ENDOD1: variants seen among roughly 807,000 people sequenced by gnomAD.
ENDOD1 encodes endonuclease domain containing 1.
ENDOD1 carries 9 observed loss-of-function variants against 6.5 expected under a neutral mutation model. The ratio of observed to expected loss-of-function variants is 1.39; its 90% CI spans 0.84 to 2.43. The LOEUF is 2.43. ENDOD1 is among the 30% of genes most tolerant of loss of function. The probability of loss-of-function intolerance (pLI) is 0.00; values close to 1 mark genes in which losing one functional copy is unlikely to be tolerated. For missense variants in ENDOD1, 648 were observed against 635.5 expected, an observed-to-expected ratio of 1.02 and a Z score of -0.21; for synonymous variants, 255 against 255.2, an observed-to-expected ratio of 1.00 and a Z score of 0.01.
At chr11:95,102,242 C>T (rs1163287131) in intron 1 of ENDOD1, among the ~76,000 whole-genome samples, 1 of 152,042 alleles carries the variant, frequency 6.6e-6, no homozygotes, top group Non-Finnish European at 1.5e-5. Flanking sequence ...AGAAGAGCTA[C>T]CTTCTTAAAG....
chr11:95,101,740 T>A (rs550669063), intron 1 of ENDOD1, among the ~76,000 whole-genome samples: 1 of 152,324 alleles, frequency 6.6e-6, no homozygotes, highest in Non-Finnish European at 1.5e-5. Context: ...CTTTGAACTC[T>A]ATGAGGCCAC....
chr11:95,115,108 G>A (rs540032852), intron 1 of ENDOD1, among the ~76,000 whole-genome samples: 1 of 152,164 alleles, frequency 6.6e-6, no homozygotes, highest in African/African-American at 2.4e-5. Flanking sequence ...GAACAATATC[G>A]ATTCTTCTAT....
intron 1 of ENDOD1, among the ~76,000 whole-genome samples, chr11:95,092,091 A>G (rs1435627280): frequency 1.3e-5 from 2 of 152,176 alleles, no homozygotes; most frequent in African/African-American, 2.4e-5. Context: ...CCTTAGGGTC[A>G]GGATGACATT....
chr11:95,114,752 T>C (rs1427915110), intron 1 of ENDOD1, among the ~76,000 whole-genome samples: 1 of 152,196 alleles, frequency 6.6e-6, no homozygotes, highest in Non-Finnish European at 1.5e-5. Flanking sequence ...GAAAAGACTG[T>C]CTTTTCCCCA....
chr11:95,095,669 A>C (rs12295932), intron 1 of ENDOD1, among the ~76,000 whole-genome samples: 12,758 of 152,248 alleles, frequency 0.084, 856 homozygotes, highest in African/African-American at 0.18. Context: ...TTACCATGTC[A>C]AAGGTCTTCA....
chr11:95,100,684 A>G (rs542914434), intron 1 of ENDOD1, among the ~76,000 whole-genome samples: 2 of 150,414 alleles, frequency 1.3e-5, no homozygotes, highest in Admixed American at 6.6e-5. Context: ...TTTTGTAGAG[A>G]TGGGGTTTTG....
chr11:95,089,969 C>T lies in ENDOD1; in HGVS notation c.42C>T (p.Ala14=), dbSNP rs375029936. Residue 14 remains alanine, a synonymous_variant, in exon 1 of 2, where the codon GCC becomes GCT. Transcript: ENST00000278505. ...GGCTCGCGCTGGGCAGCCTCTTCGC[C>T]CTGGCTGGGCTGCTGGAAGGCCGGC... ...ARWLALGSLF[A]LAGLLEGRLV... 2.0e-6 allele frequency: 3 copies of T among 1,531,738 alleles called. No individual in the cohort carries two copies. Among genetic ancestry groups the T allele is most frequent in the Non-Finnish European group, 2.6e-6 (3 of 1,138,548 alleles). 94.9% of individuals were successfully genotyped at this position (1,531,738 alleles called of 1,614,324 possible).
intron 1 of ENDOD1, among the ~76,000 whole-genome samples, chr11:95,102,885 G>T (rs1020289463): frequency 6.6e-6 from 1 of 152,090 alleles, no homozygotes; most frequent in Non-Finnish European, 1.5e-5. Context: ...TTATAATCTT[G>T]TATAGAGACA....
rs11021047 is a variant in ENDOD1, at chr11:95,120,575, T to A, written c.301-7802T>A. 2.9e-3 allele frequency among the ~76,000 whole-genome samples: 445 copies of A among 152,144 alleles called. 12 individuals are homozygous for A. The East Asian group carries it at 0.056, about 19-fold the overall frequency. ...GTTCTTTCCACTCTTCTCTCTCTTCTTCTCAAGCAGAAGGAAGAGGTTTCT... is the reference window on the plus strand; with the variant it reads ...GTTCTTTCCACTCTTCTCTCTCTTCATCTCAAGCAGAAGGAAGAGGTTTCT... On this transcript the variant is annotated intron_variant, in intron 1 of 1. Transcript: ENST00000278505.
chr11:95,090,723 T>G (rs1591006603), intron 1 of ENDOD1, among the ~76,000 whole-genome samples: 1 of 152,158 alleles, frequency 6.6e-6, no homozygotes, highest in Non-Finnish European at 1.5e-5. Context: ...AAGAGACATA[T>G]GGAAGACTAC....
intron 1 of ENDOD1, among the ~76,000 whole-genome samples, chr11:95,116,514 T>C (rs1859210753): frequency 1.3e-5 from 2 of 152,202 alleles, no homozygotes; most frequent in Non-Finnish European, 2.9e-5. Flanking sequence ...ATCTTTATTT[T>C]TTCTTCTACT....
intron 1 of ENDOD1, among the ~76,000 whole-genome samples, chr11:95,109,249 G>A (rs1312749588): frequency 6.6e-6 from 1 of 152,120 alleles, no homozygotes; most frequent in African/African-American, 2.4e-5. Flanking sequence ...ATTCTCCAGG[G>A]GAAGGAAACT....
chr11:95,090,491 A>G (rs1452354468), intron 1 of ENDOD1, among the ~76,000 whole-genome samples: 1 of 152,124 alleles, frequency 6.6e-6, no homozygotes, highest in Non-Finnish European at 1.5e-5. Context: ...CCCCTGTGGG[A>G]GGAGGTTCTC....
intron 1 of ENDOD1, among the ~76,000 whole-genome samples, chr11:95,115,372 G>A (rs372701065): frequency 2.1e-4 from 31 of 144,324 alleles, no homozygotes; most frequent in East Asian, 3.9e-4. Context: ...TTGTTTATCC[G>A]TTCTACTAGG....
intron 1 of ENDOD1, among the ~76,000 whole-genome samples, chr11:95,090,714 A>G (rs1453960823): frequency 1.3e-5 from 2 of 152,176 alleles, no homozygotes; most frequent in East Asian, 1.9e-4. Flanking sequence ...CAGGGGGTGA[A>G]GAGACATATG....
rs1859357127 is a variant in ENDOD1 at position 95,130,171 on chromosome 11, A to G, written c.*592A>G. On this transcript the variant is annotated 3_prime_UTR_variant, in exon 2 of 2. Coordinates refer to ENST00000278505, the MANE Select transcript of ENDOD1 (RefSeq NM_015036.3). Reference sequence around the variant, plus strand: ...CTTTCCGTGGTTCTCAAGGATATGTACAGTTTTCATTTTCCTCCAAAGTTG... The same window carrying G: ...CTTTCCGTGGTTCTCAAGGATATGTGCAGTTTTCATTTTCCTCCAAAGTTG... The G allele has an allele frequency of 6.6e-6, 1 of 152,226 alleles. No individual in the cohort carries two copies. Among genetic ancestry groups the G allele is most frequent in the Non-Finnish European group, 1.5e-5 (1 of 68,044 alleles). 9.4% of individuals were successfully genotyped at this position (152,226 alleles called of 1,614,324 possible). A position where few individuals can be genotyped will look rare whatever the true frequency, so the allele number is the denominator to read the frequency against.
At chr11:95,102,953 T>C (rs1474659006) in intron 1 of ENDOD1, among the ~76,000 whole-genome samples, 1 of 152,198 alleles carries the variant, frequency 6.6e-6, no homozygotes, top group Non-Finnish European at 1.5e-5. Context: ...TTGACAGTGA[T>C]GTCTCTCAGA....
rs1385995537 is a variant in ENDOD1, at chr11:95,129,377, T to C, written c.1301T>C (p.Leu434Pro). Reference sequence around the variant, plus strand: ...GTTCTGAGCATCCCTGTCCGTGTCCTTGTGGATGTGGCCACTTTCCCTGTG... The same window carrying C: ...GTTCTGAGCATCCCTGTCCGTGTCCCTGTGGATGTGGCCACTTTCCCTGTG... ...CRVLSIPVRVLVDVATFPVYT... is the reference protein window; with the variant it reads ...CRVLSIPVRVPVDVATFPVYT... Residue 434 changes from leucine (L) to proline (P), a missense_variant, in exon 2 of 2, where the codon CTT becomes CCT. Physicochemically the swap from Leu to Pro is moderately conservative, Grantham distance 98. Transcript: ENST00000278505. 1.9e-6 allele frequency: 3 copies of C among 1,614,184 alleles called. No individual in the cohort carries two copies. Among genetic ancestry groups the C allele is most frequent in the Admixed American group, 1.7e-5 (1 of 60,026 alleles).
intron 1 of ENDOD1, among the ~76,000 whole-genome samples, chr11:95,121,181 T>C (rs1483437602): frequency 6.6e-6 from 1 of 152,214 alleles, no homozygotes; most frequent in Non-Finnish European, 1.5e-5. Context: ...GTTTTTTGTG[T>C]AGATAGTTAT....
Sources: gnomAD v4.1 joint callset for allele counts (sites outside exome capture counted in the v4.1 genomes callset) on GRCh38, gnomAD v4.1.1 for gene constraint, MANE v1.5 for transcripts, NCBI Gene and HGNC (gene_info 2026-07-23, HGNC 2026-07-21) for gene names.